SORCS2: variants seen among roughly 807,000 people sequenced by gnomAD.
SORCS2 encodes sortilin related VPS10 domain containing receptor 2.
A neutral mutation model predicts 141.6 loss-of-function variants in SORCS2; 100 were observed. The observed-to-expected ratio is 0.71, with a 90% confidence interval of 0.60 to 0.83. The LOEUF is 0.83. Ranked by LOEUF, SORCS2 falls within the 40% of genes least tolerant of loss-of-function variation. The pLI, the probability that SORCS2 is intolerant of heterozygous loss-of-function variation, is 0.00. For missense variants in SORCS2, 1,646 were observed against 1,560.2 expected, an observed-to-expected ratio of 1.05 and a Z score of -0.93; for synonymous variants, 789 against 676.9, an observed-to-expected ratio of 1.17 and a Z score of -2.57.
intron 3 of SORCS2, among the ~76,000 whole-genome samples, chr4:7,534,972 C>T (rs1383387226): frequency 1.3e-5 from 2 of 152,218 alleles, no homozygotes; most frequent in Non-Finnish European, 2.9e-5. Flanking sequence ...TCTCCCCTCA[C>T]CCACATTGTT....
At chr4:7,738,785 A>C (rs1430443588) in intron 26 of SORCS2, among the ~76,000 whole-genome samples, 2 of 152,186 alleles carry the variant, frequency 1.3e-5, no homozygotes, top group African/African-American at 4.8e-5. Flanking sequence ...CCGGCCAGCC[A>C]GACCCCAAAG....
chr4:7,471,178 G>A (rs1233203047), intron 2 of SORCS2, among the ~76,000 whole-genome samples: 2 of 152,196 alleles, frequency 1.3e-5, no homozygotes, highest in Non-Finnish European at 2.9e-5. Flanking sequence ...GCACCCGCCC[G>A]CTATCGGGGC....
chr4:7,311,793 G>A (rs571959441), intron 1 of SORCS2, among the ~76,000 whole-genome samples: 70 of 152,278 alleles, frequency 4.6e-4, no homozygotes, highest in African/African-American at 1.6e-3. Context: ...CAGGATATGC[G>A]TCCTTTATCA....
intron 2 of SORCS2, among the ~76,000 whole-genome samples, chr4:7,441,585 G>T (rs1727667980): frequency 6.6e-6 from 1 of 151,882 alleles, no homozygotes; most frequent in African/African-American, 2.4e-5. Flanking sequence ...GAAGGGTAGA[G>T]CCTGGGAGCT....
chr4:7,437,362 G>A (rs933623394), intron 2 of SORCS2, among the ~76,000 whole-genome samples: 1 of 152,194 alleles, frequency 6.6e-6, no homozygotes, highest in Non-Finnish European at 1.5e-5. Context: ...GGGGTGCAGG[G>A]CTTCCACACC....
intron 2 of SORCS2, among the ~76,000 whole-genome samples, chr4:7,426,398 T>C (rs1381397880): frequency 6.6e-6 from 1 of 151,026 alleles, no homozygotes. Context: ...CCGCTGAGGG[T>C]GGCCCCTGGG....
chr4:7,376,304 C>T (rs914868574), intron 1 of SORCS2, among the ~76,000 whole-genome samples: 2 of 151,126 alleles, frequency 1.3e-5, no homozygotes, highest in Non-Finnish European at 2.9e-5. Flanking sequence ...TGGCTGGGCA[C>T]GGTGGCTCAT....
In SORCS2 at chr4:7,543,512, C is replaced by CGTCCATCCATCCACTT. The variant is rs1553881742; in HGVS notation, c.648+11883_648+11884insGTCCATCCATCCACTT. On this transcript the variant is annotated intron_variant, in intron 3 of 26. Coordinates refer to ENST00000507866, the MANE Select transcript of SORCS2 (RefSeq NM_020777.3). The stretch of plus-strand genomic sequence containing the variant: ...TCATCCATCCATCCATCCATCCATC[C>CGTCCATCCATCCACTT]ATCCATCCGTCCATCCATCCACTTA... 1.3e-4 allele frequency among the ~76,000 whole-genome samples: 17 copies of CGTCCATCCATCCACTT among 134,952 alleles called. No individual in the cohort carries two copies. The East Asian group carries it at 5.4e-3, about 43-fold the overall frequency. The allele number at this position is 134,952 out of a possible 152,430, so 88.5% of individuals were successfully genotyped here. A position where few individuals can be genotyped will look rare whatever the true frequency, so the allele number is the denominator to read the frequency against.
chr4:7,594,791 G>A (rs1250408893), intron 3 of SORCS2, among the ~76,000 whole-genome samples: 1 of 152,046 alleles, frequency 6.6e-6, no homozygotes, highest in Admixed American at 6.6e-5. Context: ...GCTCATCCAC[G>A]ATGGGGCGAG....
At chr4:7,433,324 T>G in intron 2 of SORCS2, 7 of 1,409,084 alleles carry the variant, frequency 5.0e-6, no homozygotes, top group Non-Finnish European at 6.5e-6. Flanking sequence ...TCACGCGTGT[T>G]CCCCAGCGTG....
chr4:7,729,514 T>A, intron 22 of SORCS2, 73 bp from the exon 23 acceptor site: 1 of 1,517,420 alleles, frequency 6.6e-7, no homozygotes, highest in Non-Finnish European at 8.9e-7. Flanking sequence ...AGAGAGGGTG[T>A]TCCTGGGGGC....
At chr4:7,325,820 G>T (rs902136510) in intron 1 of SORCS2, among the ~76,000 whole-genome samples, 4 of 152,218 alleles carry the variant, frequency 2.6e-5, no homozygotes, top group Non-Finnish European at 1.5e-5. Context: ...AGAGACACCC[G>T]TTACCATCCT....
At chr4:7,722,989 G>C (rs1036815650) in intron 18 of SORCS2, among the ~76,000 whole-genome samples, 6 of 152,060 alleles carry the variant, frequency 3.9e-5, no homozygotes, top group Admixed American at 3.3e-4. Flanking sequence ...GGGAGAATGT[G>C]ATCATGAGCC....
chr4:7,623,497 T>A (rs1019957139), intron 3 of SORCS2, among the ~76,000 whole-genome samples: 1 of 152,092 alleles, frequency 6.6e-6, no homozygotes, highest in Non-Finnish European at 1.5e-5. Context: ...ACCAGGTGTC[T>A]TTGGTTCACT....
chr4:7,477,562 G>A (rs1205782875), intron 2 of SORCS2, among the ~76,000 whole-genome samples: 1 of 152,126 alleles, frequency 6.6e-6, no homozygotes, highest in African/African-American at 2.4e-5. Context: ...GATTGGCTAA[G>A]AGCTCTGCAA....
chr4:7,498,712 T>C (rs1185371009), intron 2 of SORCS2, among the ~76,000 whole-genome samples: 1 of 152,240 alleles, frequency 6.6e-6, no homozygotes, highest in African/African-American at 2.4e-5. Flanking sequence ...GGACCAAGGC[T>C]GATGCCTGGA....
chr4:7,724,502 T>TGGTGGTGGTGATGGTGGTGATAG (rs1726934760), intron 19 of SORCS2, among the ~76,000 whole-genome samples: 18 of 135,808 alleles, frequency 1.3e-4, no homozygotes, highest in Admixed American at 4.3e-4. Context: ...GTGGTGACAA[T>TGGTGGTGGTGATGGTGGTGATAG]GGTGGTGGTG....
intron 4 of SORCS2, among the ~76,000 whole-genome samples, chr4:7,652,736 G>T (rs1721521912): frequency 6.6e-6 from 1 of 152,094 alleles, no homozygotes; most frequent in African/African-American, 2.4e-5. Flanking sequence ...AGGGCTCCCT[G>T]CCTCCACCCA....
chr4:7,338,722 A>T (rs1720177751), intron 1 of SORCS2, among the ~76,000 whole-genome samples: 2 of 152,240 alleles, frequency 1.3e-5, no homozygotes, highest in Non-Finnish European at 2.9e-5. Flanking sequence ...AAATTAATTT[A>T]AAAGTATTTT....
Sources: gnomAD v4.1 joint callset for allele counts (sites outside exome capture counted in the v4.1 genomes callset) on GRCh38, gnomAD v4.1.1 for gene constraint, MANE v1.5 for transcripts, NCBI Gene and HGNC (gene_info 2026-07-23, HGNC 2026-07-21) for gene names.